Variants in AOPEP observed in about 807,000 individuals in gnomAD.
AOPEP encodes aminopeptidase O.
Under a neutral mutation model 98.1 loss-of-function variants are expected in AOPEP, and 77 were observed. That is an observed-to-expected ratio of 0.78 (90% CI 0.65 to 0.95). AOPEP has a LOEUF of 0.95. Among genes scored for constraint, AOPEP ranks in the 40% least tolerant of loss-of-function variants. AOPEP has a pLI of 0.00. For synonymous variants in AOPEP, 346 were observed against 365.3 expected (o/e 0.95, Z 0.60); for missense variants, 1,024 against 1,024.7 (o/e 1.00, Z 0.01).
intron 11 of AOPEP, among the ~76,000 whole-genome samples, chr9:94,990,831 T>C (rs1180442692): frequency 6.6e-6 from 1 of 152,094 alleles, no homozygotes; most frequent in African/African-American, 2.4e-5. Context: ...TTTCACCATG[T>C]TGGCCAGGCT....
At chr9:95,029,925 A>G (rs1209120470) in intron 13 of AOPEP, among the ~76,000 whole-genome samples, 2 of 152,210 alleles carry the variant, frequency 1.3e-5, no homozygotes, top group Admixed American at 6.5e-5. Context: ...ATGTTGCTCA[A>G]GTTGTTGAAA....
intron 1 of AOPEP, among the ~76,000 whole-genome samples, chr9:94,754,029 A>G (rs1214458546): frequency 6.6e-6 from 1 of 152,256 alleles, no homozygotes; most frequent in Admixed American, 6.5e-5. Context: ...CTGTGGGGGC[A>G]TTAAACAGCA....
At chr9:94,989,227 G>A (rs1414529012) in intron 11 of AOPEP, among the ~76,000 whole-genome samples, 15 of 151,872 alleles carry the variant, frequency 9.9e-5, no homozygotes, top group Admixed American at 6.6e-4. Flanking sequence ...TCAGCCTCCC[G>A]AGTAGCTGAG....
chr9:95,030,404 A>T (rs1414277336), intron 13 of AOPEP, among the ~76,000 whole-genome samples: 1 of 152,218 alleles, frequency 6.6e-6, no homozygotes, highest in African/African-American at 2.4e-5. Context: ...TACATTTCAT[A>T]AAAAGCAACT....
At chr9:95,083,947 G>A (rs1382826794) in intron 16 of AOPEP, among the ~76,000 whole-genome samples, 2 of 152,212 alleles carry the variant, frequency 1.3e-5, no homozygotes, top group East Asian at 1.9e-4. Context: ...TAGTTGCTCA[G>A]TATGGGTTTC....
rs114503850 is a variant in AOPEP at position 94,936,646 on chromosome 9, C to A, written c.1661+8115C>A. ...TCTGTAGTGGACACCAGCTGGGTGT[C>A]CTCTAATTCAGTTTAATTCTGACAC... On this transcript the variant is annotated intron_variant, in intron 7 of 16. Coordinates refer to ENST00000375315, the MANE Select transcript of AOPEP (RefSeq NM_001193329.3). Among the ~76,000 whole-genome samples, 752 of 152,256 alleles carry A rather than the reference C, an allele frequency of 4.9e-3. 7 individuals are homozygous for A. The highest frequency in any genetic ancestry group is 0.017 in the African/African-American group (721 of 41,544).
At chr9:95,124,845 G>T in the AOPEP span, among the ~76,000 whole-genome samples, 2 of 152,170 alleles carry the variant, frequency 1.3e-5, no homozygotes, top group African/African-American at 4.8e-5. Flanking sequence ...ATGCTGGCAT[G>T]ACAGAGTTCT....
chr9:94,852,502 C>A (rs894054843), intron 5 of AOPEP, among the ~76,000 whole-genome samples: 11 of 152,142 alleles, frequency 7.2e-5, no homozygotes, highest in Non-Finnish European at 1.2e-4. Flanking sequence ...TCATGGAGTT[C>A]AGTTTGAATT....
rs145867744 is a variant in AOPEP, at chr9:95,077,616, T to G, written c.2233-3078T>G. Among the ~76,000 whole-genome samples, 337 of 152,320 alleles carry G rather than the reference T, an allele frequency of 2.2e-3. 2 individuals carry two copies. Among genetic ancestry groups the G allele is most frequent in the Middle Eastern group, 0.014 (4 of 294 alleles). On this transcript the variant is annotated intron_variant, in intron 14 of 16. Transcript: ENST00000375315. Reference sequence around the variant, plus strand: ...GTCCTCTGGTGGCATGCTGTGGAACTCTGTGGCCCCACCTCTCTGGCCCGT... The same window carrying G: ...GTCCTCTGGTGGCATGCTGTGGAACGCTGTGGCCCCACCTCTCTGGCCCGT...
chr9:94,948,718 C>G (rs760783379), intron 7 of AOPEP, among the ~76,000 whole-genome samples: 3 of 152,214 alleles, frequency 2.0e-5, no homozygotes, highest in Non-Finnish European at 4.4e-5. Flanking sequence ...GCAGTTCCCA[C>G]ATAGCAGGGC....
rs144651033 is a variant in AOPEP at position 94,910,224 on chromosome 9, T to A, written c.1365-13762T>A. ...CGGTTCTCCTTCCCAGAGCCCTCCCTGGCAGATTGTGAACCGACTAGGCCA... is the reference window on the plus strand; with the variant it reads ...CGGTTCTCCTTCCCAGAGCCCTCCCAGGCAGATTGTGAACCGACTAGGCCA... On this transcript the variant is annotated intron_variant, in intron 5 of 16. Transcript: ENST00000375315. Among the ~76,000 whole-genome samples, 182 of 152,320 alleles carry A rather than the reference T, an allele frequency of 1.2e-3. 1 individual carries two copies. Among genetic ancestry groups the A allele is most frequent in the African/African-American group, 4.3e-3 (177 of 41,582 alleles).
chr9:95,100,784 T>C, the AOPEP span: 3 of 225,306 alleles, frequency 1.3e-5, no homozygotes, highest in South Asian at 1.8e-4. Context: ...ATGCATGCCA[T>C]TGCACCCCGA....
At chr9:95,122,343 T>C in the AOPEP span, among the ~76,000 whole-genome samples, 17 of 152,200 alleles carry the variant, frequency 1.1e-4, no homozygotes, top group African/African-American at 4.1e-4. Context: ...AGGGTTTTGA[T>C]TAGCTAAAAA....
Position 94,792,851 on chromosome 9 carries a change from A to T in AOPEP, c.1051A>T (p.Met351Leu), listed in dbSNP as rs770478798. The T allele has an allele frequency of 1.2e-6, 2 of 1,613,840 alleles. No homozygotes were observed. The highest frequency in any genetic ancestry group is 1.1e-5 in the South Asian group (1 of 91,056). The change falls in exon 4 of 17, where the codon ATG becomes TTG. Residue 351 changes from methionine (M) to leucine (L), a missense_variant. Physicochemically the swap from Met to Leu is conservative, Grantham distance 15. This residue lies in a region of AOPEP where 440 missense variants were observed against 433.8 expected (regional missense o/e 1.01). Coordinates refer to ENST00000375315, the MANE Select transcript of AOPEP (RefSeq NM_001193329.3). ...IAVGCWTEMK[M>L]ETWSSNDLAT... The stretch of plus-strand genomic sequence containing the variant: ...AGTGGGATGCTGGACAGAAATGAAG[A>T]TGGAGACATGGTCATCAAATGATTT...
At chr9:95,131,861 T>C in the AOPEP span, among the ~76,000 whole-genome samples, 1 of 152,200 alleles carries the variant, frequency 6.6e-6, no homozygotes, top group Non-Finnish European at 1.5e-5. Context: ...AAGTTTCTTT[T>C]TCTTTCTGAA....
the AOPEP span, among the ~76,000 whole-genome samples, chr9:95,094,169 G>C: frequency 6.6e-5 from 10 of 152,138 alleles, no homozygotes; most frequent in African/African-American, 2.4e-4. Context: ...GTCGCATCCT[G>C]CACACGCACA....
intron 9 of AOPEP, among the ~76,000 whole-genome samples, chr9:94,964,562 G>C (rs1019661781): frequency 5.3e-5 from 8 of 151,470 alleles, no homozygotes; most frequent in African/African-American, 1.9e-4. Flanking sequence ...GGCAAATATA[G>C]GATAAATTAG....
intron 2 of AOPEP, among the ~76,000 whole-genome samples, chr9:94,766,827 TTTG>T (rs1564095970): frequency 7.3e-6 from 1 of 136,882 alleles, no homozygotes; most frequent in Non-Finnish European, 1.6e-5. Flanking sequence ...TTGTGATTTT[TTTG>T]TTTGTTTGTT....
chr9:95,125,424 A>C, the AOPEP span, among the ~76,000 whole-genome samples: 2 of 152,204 alleles, frequency 1.3e-5, no homozygotes, highest in Admixed American at 1.3e-4. Flanking sequence ...ATTATTAAGC[A>C]ATGCAAATCC....
Sources: gnomAD v4.1 joint callset for allele counts (sites outside exome capture counted in the v4.1 genomes callset) on GRCh38, gnomAD v4.1.1 for gene constraint, gnomAD v4.1.1 regional missense constraint, MANE v1.5 for transcripts, NCBI Gene and HGNC (gene_info 2026-07-23, HGNC 2026-07-21) for gene names.